CNTN1: variants seen among roughly 807,000 people sequenced by gnomAD.
The protein encoded by CNTN1 is contactin-1.
In CNTN1, 38 loss-of-function variants were observed where a neutral mutation model predicts 126.4. The ratio of observed to expected loss-of-function variants is 0.30; its 90% CI spans 0.23 to 0.39. CNTN1 has a LOEUF of 0.39. Ranked by LOEUF, CNTN1 falls within the 10% of genes least tolerant of loss-of-function variation. CNTN1 has a pLI of 1.00. For missense variants in CNTN1, 1,009 were observed against 1,248.4 expected, an observed-to-expected ratio of 0.81 and a Z score of 2.89; for synonymous variants, 413 against 422.6, an observed-to-expected ratio of 0.98 and a Z score of 0.28.
chr12:40,743,948 G>C (rs375923415), intron 1 of CNTN1, among the ~76,000 whole-genome samples: 3 of 152,032 alleles, frequency 2.0e-5, no homozygotes, highest in Middle Eastern at 3.4e-3. Context: ...GGAACACTAC[G>C]CAGCCATGAA....
At chr12:40,980,134 G>T (rs755622020) in intron 15 of CNTN1, among the ~76,000 whole-genome samples, 1 of 152,094 alleles carries the variant, frequency 6.6e-6, no homozygotes, top group Non-Finnish European at 1.5e-5. Flanking sequence ...AACATTTAGA[G>T]TTATAAGAAA....
At chr12:40,793,557 A>G (rs556924529) in intron 1 of CNTN1, among the ~76,000 whole-genome samples, 3 of 152,206 alleles carry the variant, frequency 2.0e-5, no homozygotes, top group African/African-American at 7.2e-5. Context: ...ACTTATAAGA[A>G]AAACAATAAT....
At chr12:40,693,704 C>A (rs755400380) in intron 1 of CNTN1, among the ~76,000 whole-genome samples, 15 of 152,152 alleles carry the variant, frequency 9.9e-5, no homozygotes, top group Non-Finnish European at 1.9e-4. Context: ...TATATAGCTC[C>A]TGCATACCCA....
chr12:41,058,703 AAT>A (rs1949877553), intron 23 of CNTN1, among the ~76,000 whole-genome samples: 1 of 152,150 alleles, frequency 6.6e-6, no homozygotes. Context: ...AAGTCTGAAA[AAT>A]ATATAAACAG....
chr12:40,949,438 A>T (rs1269884915), intron 14 of CNTN1, among the ~76,000 whole-genome samples: 7 of 51,828 alleles, frequency 1.4e-4, no homozygotes, highest in Non-Finnish European at 2.6e-4. Flanking sequence ...CCCCCACCCC[A>T]CAACAGTCCC....
At chr12:41,057,176 TATAA>T (rs1391865800) in intron 23 of CNTN1, among the ~76,000 whole-genome samples, 1 of 130,450 alleles carries the variant, frequency 7.7e-6, no homozygotes, top group Non-Finnish European at 1.6e-5. Context: ...ATATTTATAT[TATAA>T]ATATTTAGAT....
intron 14 of CNTN1, among the ~76,000 whole-genome samples, chr12:40,954,826 T>A (rs577506022): frequency 1.3e-5 from 2 of 152,228 alleles, no homozygotes; most frequent in South Asian, 4.1e-4. Context: ...CCCCGTGCAG[T>A]TAAAATGCAT....
intron 1 of CNTN1, among the ~76,000 whole-genome samples, chr12:40,852,690 C>T (rs916200151): frequency 3.3e-5 from 5 of 152,056 alleles, no homozygotes; most frequent in Admixed American, 1.3e-4. Context: ...CGTTCCATCA[C>T]TATGCCTAGA....
At chr12:40,983,145 G>A (rs1947864837) in intron 16 of CNTN1, among the ~76,000 whole-genome samples, 1 of 152,066 alleles carries the variant, frequency 6.6e-6, no homozygotes, top group Admixed American at 6.6e-5. Context: ...AGCCACTGCT[G>A]CTTTCTGAAA....
chr12:41,066,118 A>G (rs1438600503), intron 23 of CNTN1, among the ~76,000 whole-genome samples: 2 of 152,202 alleles, frequency 1.3e-5, no homozygotes, highest in Non-Finnish European at 2.9e-5. Context: ...GAAGAATAAA[A>G]AATAATGTCG....
chr12:40,809,814 TCACACACACACACACA>T (rs3223354), intron 1 of CNTN1, among the ~76,000 whole-genome samples: 6 of 146,740 alleles, frequency 4.1e-5, no homozygotes, highest in African/African-American at 1.5e-4. Flanking sequence ...AGACTCTGTC[TCACACACACACACACA>T]CACACACACA....
chr12:40,929,353 C>CA lies in CNTN1; in HGVS notation c.497-432dup, dbSNP rs746133164. ...AAATAGGTGCACACACACACACACA[C>CA]AAAAAAAAAAAGATAAAGCAATAAT... On this transcript the variant is annotated intron_variant, in intron 6 of 23. Transcript: ENST00000551295. Among the ~76,000 whole-genome samples the CA allele has an allele frequency of 1.1e-3, 145 of 134,990 alleles. 1 individual carries two copies. The highest frequency in any genetic ancestry group is 3.8e-3 in the Middle Eastern group (1 of 264). 88.6% of individuals were successfully genotyped at this position (134,990 alleles called of 152,430 possible). A position where few individuals can be genotyped will look rare whatever the true frequency, so the allele number is the denominator to read the frequency against.
chr12:40,823,071 T>C (rs1452881462), intron 1 of CNTN1, among the ~76,000 whole-genome samples: 1 of 152,200 alleles, frequency 6.6e-6, no homozygotes, highest in East Asian at 1.9e-4. Flanking sequence ...TGTATGTATG[T>C]ATACACACAA....
At position 40,936,860 on chromosome 12, in the gene CNTN1, A is replaced by G. The variant is rs779267147; in HGVS notation, c.1065A>G (p.Thr355=). Reference sequence around the variant, plus strand: ...ATCTCTACTGGCCTTGTGTGGCCACAGGAAAGCCCATCCCTACAATCCGAT... The same window carrying G: ...ATCTCTACTGGCCTTGTGTGGCCACGGGAAAGCCCATCCCTACAATCCGAT... ...GSDLYWPCVA[T]GKPIPTIRWL... is the part of the protein sequence containing the mutation. The change falls in exon 10 of 24, where the codon ACA becomes ACG. Residue 355 remains threonine (T), a synonymous_variant. Transcript: ENST00000551295. 1.2e-6 allele frequency: 2 copies of G among 1,613,392 alleles called. No homozygotes were observed. Among genetic ancestry groups the G allele is most frequent in the Admixed American group, 3.3e-5 (2 of 59,964 alleles).
chr12:40,975,178 TTATATATATATATA>T (rs58939653), intron 15 of CNTN1, among the ~76,000 whole-genome samples: 981 of 48,630 alleles, frequency 0.02, 31 homozygotes, highest in African/African-American at 0.062. Context: ...GTAAAATGGA[TTATATATATATATA>T]TATATATATA....
At chr12:40,755,190 C>CAAAAAAA (rs557970110) in intron 1 of CNTN1, among the ~76,000 whole-genome samples, 23 of 78,206 alleles carry the variant, frequency 2.9e-4, no homozygotes, top group African/African-American at 3.9e-4. Flanking sequence ...GACCCCACCT[C>CAAAAAAA]AAAAAAAAAA....
intron 14 of CNTN1, among the ~76,000 whole-genome samples, chr12:40,952,927 T>C (rs1443196347): frequency 6.6e-6 from 1 of 152,190 alleles, no homozygotes; most frequent in Non-Finnish European, 1.5e-5. Context: ...CAAACATCTA[T>C]ATCTCTCCCT....
chr12:41,049,631 A>G (rs1025929704), intron 23 of CNTN1, among the ~76,000 whole-genome samples: 1 of 152,240 alleles, frequency 6.6e-6, no homozygotes, highest in Non-Finnish European at 1.5e-5. Flanking sequence ...CTTAACACCT[A>G]CAATTCATTC....
chr12:40,890,127 A>G (rs567817505), intron 1 of CNTN1, among the ~76,000 whole-genome samples: 1 of 152,308 alleles, frequency 6.6e-6, no homozygotes, highest in African/African-American at 2.4e-5. Context: ...AACAGAGCGA[A>G]TATCACCTTT....
Sources: allele counts gnomAD v4.1 joint callset (sites outside exome capture counted in the v4.1 genomes callset), GRCh38; gene constraint gnomAD v4.1.1; transcripts MANE v1.5; gene names NCBI Gene and HGNC (gene_info 2026-07-23, HGNC 2026-07-21).